The following LNX1 variants were observed in gnomAD, a reference collection of about 807,000 sequenced individuals.
The protein encoded by LNX1 is ligand of numb-protein X 1.
Under a neutral mutation model 68.4 loss-of-function variants are expected in LNX1, and 54 were observed. The ratio of observed to expected loss-of-function variants is 0.79; its 90% CI spans 0.63 to 0.99. LNX1 has a LOEUF of 0.99. LNX1 is among the 50% of genes least tolerant of loss of function. The probability of loss-of-function intolerance (pLI) is 0.00; values close to 1 mark genes in which losing one functional copy is unlikely to be tolerated. For missense variants in LNX1, 906 were observed against 926.4 expected (o/e 0.98, Z 0.29); for synonymous variants, 336 against 350.0 (o/e 0.96, Z 0.45).
rs747678543 is a variant in LNX1 at position 53,496,258 on chromosome 4, G to A, written c.1115C>T (p.Ala372Val). ...RSRNNGQAPD[A>V]YRPRDDSFHV... Reference sequence around the variant, plus strand: ...AAAGCTGTCATCTCGGGGTCTGTAGGCATCCGGGGCCTGTCCATTGTTCCT... The same window carrying A: ...AAAGCTGTCATCTCGGGGTCTGTAGACATCCGGGGCCTGTCCATTGTTCCT... The change falls in exon 6 of 11, where the codon GCC becomes GTC. Residue 372 changes from alanine (A) to valine (V), a missense_variant. Ala to Val is a moderately conservative substitution (Grantham distance 64). Transcript: ENST00000263925. 1 of 1,614,078 alleles carries A rather than the reference G, an allele frequency of 6.2e-7. No homozygotes were observed. Among genetic ancestry groups the A allele is most frequent in the Admixed American group, 1.7e-5 (1 of 60,004 alleles).
In LNX1 at chr4:53,507,405, A is replaced by C; in HGVS notation, c.687T>G (p.Ser229Arg). Residue 229 changes from serine (S) to arginine (R), a missense_variant, in exon 4 of 11, where the codon AGT (serine) becomes AGG (arginine). Ser to Arg is a moderately radical substitution (Grantham distance 110, BLOSUM62 -1). Coordinates refer to ENST00000263925, the MANE Select transcript of LNX1 (RefSeq NM_001126328.3). ...RSFKKINRALSVLRRTKSGSA... is the reference protein window; with the variant it reads ...RSFKKINRALRVLRRTKSGSA... ...TCCCGCTCTTTGTCCTTCGAAGAACACTCAAAGCTCGATTTATTTTTTTAA... is the reference window on the plus strand; with the variant it reads ...TCCCGCTCTTTGTCCTTCGAAGAACCCTCAAAGCTCGATTTATTTTTTTAA... 6.2e-7 allele frequency: 1 copy of C among 1,614,108 alleles called. No individual in the cohort carries two copies. The highest frequency in any genetic ancestry group is 8.5e-7 in the Non-Finnish European group (1 of 1,180,022).
intron 2 of LNX1, among the ~76,000 whole-genome samples, chr4:53,600,587 A>G (rs1180270525): frequency 1.3e-5 from 2 of 152,196 alleles, no homozygotes; most frequent in African/African-American, 4.8e-5. Context: ...ACTCTCAGTC[A>G]GATTCCGACT....
intron 2 of LNX1, among the ~76,000 whole-genome samples, chr4:53,602,172 G>A (rs569834785): frequency 3.3e-5 from 5 of 152,310 alleles, no homozygotes; most frequent in South Asian, 2.1e-4. Context: ...GTTACTCTCC[G>A]AAGTGATAAG....
intron 4 of LNX1, among the ~76,000 whole-genome samples, chr4:53,506,334 T>A (rs187246821): frequency 2.0e-5 from 3 of 152,290 alleles, no homozygotes; most frequent in South Asian, 2.1e-4. Flanking sequence ...CTCAATTTTT[T>A]AAAAAAGCTG....
chr4:53,547,015 G>A lies in LNX1; in HGVS notation c.380+26608C>T, dbSNP rs57155745. On this transcript the variant is annotated intron_variant, in intron 2 of 10. Transcript: ENST00000263925. The stretch of plus-strand genomic sequence containing the variant: ...ATTTCCCTGCCTCTTCAGTGAGAGG[G>A]AGGAAGAGACTGTATGGTTACAGCA... Among the ~76,000 whole-genome samples the A allele has an allele frequency of 4.8e-3, 738 of 152,292 alleles. 10 individuals carry two copies. Among genetic ancestry groups the A allele is most frequent in the African/African-American group, 0.017 (701 of 41,550 alleles).
At chr4:53,591,774 G>T, upstream of LNX1, 1 of 163,112 alleles carries the variant, frequency 6.1e-6, no homozygotes, top group Non-Finnish European at 1.3e-5. Context: ...GTTCAGATCT[G>T]AAGTCAAATG....
chr4:53,472,945 G>A (rs939150113), intron 9 of LNX1, among the ~76,000 whole-genome samples: 3 of 152,168 alleles, frequency 2.0e-5, no homozygotes, highest in African/African-American at 7.2e-5. Flanking sequence ...GCTAGTTTCT[G>A]AGTTAAATGC....
At chr4:53,651,895 T>G (rs1204102709) in intron 1 of LNX1, among the ~76,000 whole-genome samples, 3 of 152,174 alleles carry the variant, frequency 2.0e-5, no homozygotes, top group African/African-American at 7.2e-5. Flanking sequence ...AAGCTTTTAA[T>G]GAAGGCCACT....
chr4:53,564,864 T>C (rs926363192), intron 2 of LNX1, among the ~76,000 whole-genome samples: 1 of 152,158 alleles, frequency 6.6e-6, no homozygotes, highest in Non-Finnish European at 1.5e-5. Flanking sequence ...TAGTTCCCTT[T>C]CCTAATCAAA....
intron 9 of LNX1, among the ~76,000 whole-genome samples, chr4:53,468,161 G>A (rs538205535): frequency 1.3e-5 from 2 of 152,310 alleles, no homozygotes; most frequent in East Asian, 1.9e-4. Context: ...AACTCTACAA[G>A]CCAGAAGAGA....
At position 53,574,106 on chromosome 4, in the gene LNX1, G is replaced by A; in HGVS notation, c.-86-18C>T. ...CCACACACCTAAAAAAGAACAAGAAGGCTCACCTTTGCTTCCCAGCACATG... is the reference window on the plus strand; with the variant it reads ...CCACACACCTAAAAAAGAACAAGAAAGCTCACCTTTGCTTCCCAGCACATG... On this transcript the variant is annotated intron_variant, in intron 1 of 10. Coordinates refer to ENST00000263925, the MANE Select transcript of LNX1 (RefSeq NM_001126328.3). 1.4e-6 allele frequency: 2 copies of A among 1,463,210 alleles called. No individual in the cohort carries two copies. Among genetic ancestry groups the A allele is most frequent in the South Asian group, 2.9e-5 (2 of 68,530 alleles). The allele number at this position is 1,463,210 out of a possible 1,614,324, so 90.6% of individuals were successfully genotyped here.
intron 1 of LNX1, among the ~76,000 whole-genome samples, chr4:53,641,920 C>T (rs1734700959): frequency 6.6e-6 from 1 of 152,106 alleles, no homozygotes; most frequent in Non-Finnish European, 1.5e-5. Flanking sequence ...TTTATTCATT[C>T]ACCTGTTGAT....
At chr4:53,540,358 G>GGGCAACAAGC in intron 2 of LNX1, among the ~76,000 whole-genome samples, 1 of 151,972 alleles carries the variant, frequency 6.6e-6, no homozygotes, top group Admixed American at 6.5e-5. Context: ...ACTCCAGCCT[G>GGGCAACAAGC]AGTGAGAGTG....
intron 2 of LNX1, among the ~76,000 whole-genome samples, chr4:53,613,558 A>T (rs1448140030): frequency 2.0e-5 from 3 of 152,102 alleles, no homozygotes. Flanking sequence ...CCAATGCGGT[A>T]TTTGGTTTTC....
intron 2 of LNX1, among the ~76,000 whole-genome samples, chr4:53,568,791 G>A (rs1478813484): frequency 6.6e-6 from 1 of 152,064 alleles, no homozygotes; most frequent in African/African-American, 2.4e-5. Flanking sequence ...ATCTCCTTAA[G>A]CTGATAAGCG....
intron 2 of LNX1, among the ~76,000 whole-genome samples, chr4:53,553,540 T>C (rs767003095): frequency 5.3e-5 from 8 of 152,212 alleles, no homozygotes; most frequent in Non-Finnish European, 1.0e-4. Flanking sequence ...GCTGTAAATA[T>C]AGGGCCAGAA....
At chr4:53,645,058 A>T (rs1455481140) in intron 1 of LNX1, among the ~76,000 whole-genome samples, 1 of 152,200 alleles carries the variant, frequency 6.6e-6, no homozygotes, top group Non-Finnish European at 1.5e-5. Flanking sequence ...GATCCAGGTG[A>T]TAAGGGCACA....
At chr4:53,613,985 G>A (rs570332852) in intron 2 of LNX1, among the ~76,000 whole-genome samples, 1 of 52,556 alleles carries the variant, frequency 1.9e-5, no homozygotes, top group African/African-American at 6.1e-5. Flanking sequence ...ATTTTTTGAC[G>A]GCCCTTTTTT....
intron 2 of LNX1, among the ~76,000 whole-genome samples, chr4:53,560,554 A>G (rs543674001): frequency 1.3e-5 from 2 of 152,324 alleles, no homozygotes; most frequent in African/African-American, 4.8e-5. Context: ...AGGTATGAGT[A>G]GAAATTACTG....
Sources: allele counts gnomAD v4.1 joint callset (sites outside exome capture counted in the v4.1 genomes callset), GRCh38; gene constraint gnomAD v4.1.1; transcripts MANE v1.5; gene names NCBI Gene and HGNC (gene_info 2026-07-23, HGNC 2026-07-21).